Variants in MAOA observed in about 807,000 individuals in gnomAD.
The protein encoded by MAOA is monoamine oxidase A, also known as amine oxidase [flavin-containing] A.
MAOA carries 6 observed loss-of-function variants against 42.0 expected under a neutral mutation model. That is an observed-to-expected ratio of 0.14 (90% CI 0.08 to 0.28). The LOEUF is 0.28. Among genes scored for constraint, MAOA ranks in the 10% least tolerant of loss-of-function variants. The probability of loss-of-function intolerance (pLI) is 1.00; values close to 1 mark genes in which losing one functional copy is unlikely to be tolerated. For synonymous variants in MAOA, 140 were observed against 154.0 expected (o/e 0.91, Z 0.67); for missense variants, 262 against 422.3 (o/e 0.62, Z 3.33).
intron 3 of MAOA, among the ~76,000 whole-genome samples, chrX:43,711,267 A>T (rs1403215936): frequency 8.9e-6 from 1 of 112,176 alleles, no homozygotes; most frequent in East Asian, 2.8e-4. Flanking sequence ...AGAAACCAGG[A>T]TACTACCAGG....
chrX:43,721,967 G>T (rs187524488), intron 5 of MAOA, among the ~76,000 whole-genome samples: 1 of 111,170 alleles, frequency 9.0e-6, no homozygotes, highest in East Asian at 2.8e-4. Flanking sequence ...GTGTTACTTT[G>T]CTGAGAATGA....
chrX:43,712,731 T>A lies in MAOA; in HGVS notation c.438T>A (p.Ala146=). 1 of 1,209,027 alleles carries A rather than the reference T, an allele frequency of 8.3e-7. No individual in the cohort carries two copies. Among genetic ancestry groups the A allele is most frequent in the Non-Finnish European group, 1.1e-6 (1 of 893,409 alleles). ...TTCCAACTGATGCACCCTGGGAGGCTCAACATGCTGACAAATGGGACAAAA... is the reference window on the plus strand; with the variant it reads ...TTCCAACTGATGCACCCTGGGAGGCACAACATGCTGACAAATGGGACAAAA... ...KEIPTDAPWE[A]QHADKWDKMT... The change falls in exon 5 of 15, where the codon GCT becomes GCA. Residue 146 remains alanine, a synonymous_variant. Transcript: ENST00000338702.
chrX:43,675,608 T>G (rs984491747), intron 1 of MAOA, among the ~76,000 whole-genome samples: 4 of 112,178 alleles, frequency 3.6e-5, no homozygotes, highest in Admixed American at 9.5e-5. Flanking sequence ...GTGATGTACA[T>G]ATGGGTTTTT....
At chrX:43,703,599 A>G (rs751471143) in intron 3 of MAOA, among the ~76,000 whole-genome samples, 267 of 112,269 alleles carry the variant, frequency 2.4e-3, no homozygotes, top group Middle Eastern at 4.6e-3. Flanking sequence ...TACTTCTGCC[A>G]GTGCAAGCCA....
At chrX:43,682,117 G>A (rs762658315) in intron 1 of MAOA, among the ~76,000 whole-genome samples, 131 of 110,889 alleles carry the variant, frequency 1.2e-3, no homozygotes, top group African/African-American at 4.0e-3. Flanking sequence ...TCTTGACCTC[G>A]TGATCCACCT....
At chrX:43,731,654 G>C (rs762612456) in intron 7 of MAOA, 40 bp from the exon 8 acceptor site, 2 of 1,168,613 alleles carry the variant, frequency 1.7e-6, no homozygotes, top group African/African-American at 3.5e-5. Context: ...AAAGACTGCA[G>C]CTCACATTTG....
At chrX:43,656,210 G>A (rs373414545), upstream of MAOA, 1 of 566,296 alleles carries the variant, frequency 1.8e-6, no homozygotes, top group South Asian at 2.5e-5. Context: ...CACAGTGCCC[G>A]GCTCCCCCCG....
intron 1 of MAOA, among the ~76,000 whole-genome samples, chrX:43,672,042 C>T (rs1000215290): frequency 1.2e-4 from 13 of 111,399 alleles, no homozygotes; most frequent in African/African-American, 2.3e-4. Context: ...GCAGTATGGC[C>T]GGTTTCACAA....
chrX:43,665,492 G>A (rs777577110), intron 1 of MAOA, among the ~76,000 whole-genome samples: 5 of 111,245 alleles, frequency 4.5e-5, no homozygotes, highest in Non-Finnish European at 9.4e-5. Context: ...AGTGTCCCTG[G>A]TGCATTTTAA....
chrX:43,677,301 G>T (rs1036409819), intron 1 of MAOA, among the ~76,000 whole-genome samples: 3 of 111,900 alleles, frequency 2.7e-5, no homozygotes, highest in Non-Finnish European at 5.6e-5. Context: ...ACCATTTTGG[G>T]TTGTTGGAAG....
intron 5 of MAOA, among the ~76,000 whole-genome samples, chrX:43,719,837 C>T (rs775866213): frequency 1.8e-5 from 2 of 109,402 alleles, no homozygotes; most frequent in East Asian, 2.9e-4. Context: ...GGGGAGGAGG[C>T]GGTATCATCC....
intron 11 of MAOA, among the ~76,000 whole-genome samples, chrX:43,741,410 T>C (rs901053538): frequency 2.7e-5 from 3 of 111,786 alleles, no homozygotes; most frequent in African/African-American, 9.8e-5. Context: ...CCCTAGGAAA[T>C]AGTTTTCATC....
intron 9 of MAOA, 59 bp from the exon 10 acceptor site, chrX:43,736,168 G>A: frequency 1.2e-6 from 1 of 847,370 alleles, no homozygotes; most frequent in South Asian, 2.1e-5. Context: ...CAGAAAGAAA[G>A]GGCAGCTCTT....
chrX:43,693,554 A>G (rs1278122839), intron 3 of MAOA, 126 bp downstream of exon 3: 4 of 736,045 alleles, frequency 5.4e-6, no homozygotes, highest in African/African-American at 4.3e-5. Flanking sequence ...TTGAAGTAGT[A>G]TTTGCCTTTC....
chrX:43,673,964 A>G (rs1415799391), intron 1 of MAOA, among the ~76,000 whole-genome samples: 7 of 107,404 alleles, frequency 6.5e-5, no homozygotes, highest in African/African-American at 2.5e-4. Context: ...TATTAGGTCC[A>G]CTTGGTGCAG....
chrX:43,713,653 C>T (rs756353949), intron 5 of MAOA, among the ~76,000 whole-genome samples: 1 of 111,228 alleles, frequency 9.0e-6, no homozygotes, highest in South Asian at 3.8e-4. Flanking sequence ...TAGGAATAGC[C>T]CCTACCCTCA....
chrX:43,656,943 G>T (rs193080161), intron 1 of MAOA, among the ~76,000 whole-genome samples: 1 of 108,821 alleles, frequency 9.2e-6, no homozygotes, highest in Admixed American at 9.9e-5. Flanking sequence ...GTAGTATTGA[G>T]GGAGCAGTAG....
chrX:43,671,293 GT>G (rs1465732967), intron 1 of MAOA, among the ~76,000 whole-genome samples: 244 of 103,509 alleles, frequency 2.4e-3, no homozygotes, highest in Non-Finnish European at 4.2e-3. Context: ...GGGGTTGTTT[GT>G]TTTTTTCTTG....
intron 5 of MAOA, among the ~76,000 whole-genome samples, chrX:43,719,451 G>C: frequency 9.0e-6 from 1 of 111,217 alleles, no homozygotes; most frequent in Non-Finnish European, 1.9e-5. Context: ...GGGGGATACC[G>C]GAAGGGTGGA....
Sources: allele counts gnomAD v4.1 joint callset (sites outside exome capture counted in the v4.1 genomes callset), GRCh38; gene constraint gnomAD v4.1.1; transcripts MANE v1.5; gene names NCBI Gene and HGNC (gene_info 2026-07-23, HGNC 2026-07-21).